Variants in CHMP3 observed in about 807,000 individuals in gnomAD.
The protein encoded by CHMP3 is charged multivesicular body protein 3.
CHMP3 carries 8 observed loss-of-function variants against 27.4 expected under a neutral mutation model. That is an observed-to-expected ratio of 0.29 (90% CI 0.17 to 0.53). The LOEUF (loss-of-function observed/expected upper bound fraction) is 0.53, where lower values mean the gene tolerates loss of function less well. CHMP3 is among the 20% of genes least tolerant of loss of function. The pLI is 0.96. For synonymous variants in CHMP3, 86 were observed against 85.5 expected, an observed-to-expected ratio of 1.01 and a Z score of -0.03; for missense variants, 208 against 271.5, an observed-to-expected ratio of 0.77 and a Z score of 1.64.
intron 3 of CHMP3, among the ~76,000 whole-genome samples, chr2:86,524,884 G>A (rs1048910064): frequency 6.6e-6 from 1 of 152,146 alleles, no homozygotes. Context: ...AAACAATACA[G>A]GATGATTCAA....
chr2:86,563,007 G>A (rs968205690), intron 1 of CHMP3: 2 of 327,390 alleles, frequency 6.1e-6, no homozygotes, highest in Non-Finnish European at 1.1e-5. Flanking sequence ...CGCGCGCAGG[G>A]GGAAGAGGTT....
chr2:86,543,064 C>T (rs914455868), intron 1 of CHMP3, among the ~76,000 whole-genome samples: 1 of 152,192 alleles, frequency 6.6e-6, no homozygotes, highest in Admixed American at 6.6e-5. Flanking sequence ...ACTGCTATAA[C>T]TAAACTCCTT....
chr2:86,546,609 T>C (rs1315255686), intron 1 of CHMP3, among the ~76,000 whole-genome samples: 1 of 151,798 alleles, frequency 6.6e-6, no homozygotes, highest in African/African-American at 2.4e-5. Context: ...GGCTAATTTT[T>C]GCATTTTCAG....
intron 2 of CHMP3, among the ~76,000 whole-genome samples, chr2:86,535,425 T>A (rs563549313): frequency 6.6e-6 from 1 of 152,328 alleles, no homozygotes; most frequent in African/African-American, 2.4e-5. Flanking sequence ...TCCCTTCTTA[T>A]TTCCTTTTGT....
At chr2:86,531,307 C>A (rs768866228) in intron 2 of CHMP3, among the ~76,000 whole-genome samples, 2 of 152,090 alleles carry the variant, frequency 1.3e-5, no homozygotes, top group Non-Finnish European at 2.9e-5. Flanking sequence ...CTGTGCCCTG[C>A]CAGGTAATCT....
Position 86,563,433 on chromosome 2 carries a change from C to T in CHMP3, c.-85G>A. The T allele has an allele frequency of 6.5e-7, 1 of 1,548,856 alleles. No homozygotes were observed. The highest frequency in any genetic ancestry group is 8.9e-7 in the Non-Finnish European group (1 of 1,126,172). ...CGGGCAGCCGCCTGGGCGGGGCCCG[C>T]GGAAAAGGAGGTAGTCCCAACCCCC... On this transcript the variant is annotated 5_prime_UTR_variant, in exon 1 of 6. Transcript: ENST00000263856.
chr2:86,517,681 TCTAC>T (rs1323660530), intron 3 of CHMP3, among the ~76,000 whole-genome samples: 4 of 151,902 alleles, frequency 2.6e-5, no homozygotes, highest in African/African-American at 9.7e-5. Context: ...GAGAATTCTC[TCTAC>T]CTATCACAGG....
At chr2:86,516,290 T>C (rs1238167435) in intron 3 of CHMP3, among the ~76,000 whole-genome samples, 1 of 151,306 alleles carries the variant, frequency 6.6e-6, no homozygotes, top group Non-Finnish European at 1.5e-5. Context: ...GGAAAAGAAA[T>C]TAAAAACCAG....
chr2:86,556,096 G>A (rs1677111233), intron 1 of CHMP3, among the ~76,000 whole-genome samples: 1 of 152,120 alleles, frequency 6.6e-6, no homozygotes, highest in Non-Finnish European at 1.5e-5. Flanking sequence ...TCAATTTAAA[G>A]TAGGAAAATA....
Position 86,563,393 on chromosome 2 carries a change from C to T in CHMP3, c.-45G>A, listed in dbSNP as rs201184116. On this transcript the variant is annotated 5_prime_UTR_variant, in exon 1 of 6. Coordinates refer to ENST00000263856, the MANE Select transcript of CHMP3 (RefSeq NM_016079.4). ...GCCCCTTCCGGCTTTCAGTTCCCCG[C>T]GCCCAGGCAGGTCACGGGCAGCCGC... 8.7e-6 allele frequency: 14 copies of T among 1,602,574 alleles called. No homozygotes were observed. In the African/African-American group the frequency reaches 1.8e-4, roughly 21 times the overall value.
intron 1 of CHMP3, among the ~76,000 whole-genome samples, chr2:86,544,157 A>C (rs892714298): frequency 1.3e-5 from 2 of 152,152 alleles, no homozygotes; most frequent in Non-Finnish European, 2.9e-5. Flanking sequence ...GCTGGAAATT[A>C]TTCTTTTATA....
At chr2:86,540,928 T>C (rs1388025233) in intron 2 of CHMP3, 3 of 151,944 alleles carry the variant, frequency 2.0e-5, no homozygotes, top group African/African-American at 7.2e-5. Flanking sequence ...CATAATAGTA[T>C]CTTATTGGAT....
At position 86,549,267 on chromosome 2, in the gene CHMP3, G is replaced by A. The variant is rs181876504; in HGVS notation, c.46-6955C>T. Among the ~76,000 whole-genome samples, 187 of 144,176 alleles carry A rather than the reference G, an allele frequency of 1.3e-3. 1 individual carries two copies. The highest frequency in any genetic ancestry group is 4.8e-3 in the African/African-American group (176 of 36,696). 94.6% of individuals were successfully genotyped at this position (144,176 alleles called of 152,430 possible). On this transcript the variant is annotated intron_variant, in intron 1 of 5. Coordinates refer to ENST00000263856, the MANE Select transcript of CHMP3 (RefSeq NM_016079.4). ...TCCTCGCCTCCCAGACGGGGCGGCA[G>A]GGCAGAGGCGCTCCTCGCCTCCCAG...
intron 3 of CHMP3, among the ~76,000 whole-genome samples, chr2:86,517,142 A>C (rs989433984): frequency 6.6e-6 from 1 of 152,238 alleles, no homozygotes; most frequent in Non-Finnish European, 1.5e-5. Context: ...AGCATATAAA[A>C]ATAAAGTAAC....
At chr2:86,539,120 G>C (rs1256602861) in intron 2 of CHMP3, among the ~76,000 whole-genome samples, 3 of 152,048 alleles carry the variant, frequency 2.0e-5, no homozygotes, top group Non-Finnish European at 4.4e-5. Flanking sequence ...CATTCACCTT[G>C]ACTGCTAGCA....
At chr2:86,530,505 T>C (rs1675879325) in intron 2 of CHMP3, among the ~76,000 whole-genome samples, 1 of 152,242 alleles carries the variant, frequency 6.6e-6, no homozygotes, top group Non-Finnish European at 1.5e-5. Flanking sequence ...GGTTCAAGCA[T>C]TTTGTAGCAT....
At chr2:86,553,474 G>C (rs1676991546) in intron 1 of CHMP3, among the ~76,000 whole-genome samples, 1 of 152,084 alleles carries the variant, frequency 6.6e-6, no homozygotes, top group South Asian at 2.1e-4. Context: ...TGGGATTATA[G>C]GTGCACGCCA....
At chr2:86,516,885 G>A (rs748389844) in intron 3 of CHMP3, among the ~76,000 whole-genome samples, 13 of 152,190 alleles carry the variant, frequency 8.5e-5, no homozygotes, top group Non-Finnish European at 1.5e-4. Context: ...AGGAAAGTAC[G>A]TGTGGCTATA....
intron 2 of CHMP3, among the ~76,000 whole-genome samples, chr2:86,534,654 C>T (rs1409945332): frequency 6.6e-6 from 1 of 152,098 alleles, no homozygotes; most frequent in African/African-American, 2.4e-5. Flanking sequence ...TTACTGTATA[C>T]AAAAATATGT....
Sources: gnomAD v4.1 joint callset for allele counts (sites outside exome capture counted in the v4.1 genomes callset) on GRCh38, gnomAD v4.1.1 for gene constraint, MANE v1.5 for transcripts, NCBI Gene and HGNC (gene_info 2026-07-23, HGNC 2026-07-21) for gene names.